ALPK1: variants seen among roughly 807,000 people sequenced by gnomAD.
ALPK1 encodes the protein alpha kinase 1.
ALPK1 carries 110 observed loss-of-function variants against 120.6 expected under a neutral mutation model. The ratio of observed to expected loss-of-function variants is 0.91; its 90% CI spans 0.78 to 1.07. ALPK1 has a LOEUF of 1.07. ALPK1 is among the 50% of genes least tolerant of loss of function. ALPK1 has a pLI of 0.00. For missense variants in ALPK1, 1,498 were observed against 1,483.9 expected, an observed-to-expected ratio of 1.01 and a Z score of -0.16; for synonymous variants, 582 against 560.3, an observed-to-expected ratio of 1.04 and a Z score of -0.55.
chr4:112,370,016 A>G (rs1324442432), intron 2 of ALPK1, among the ~76,000 whole-genome samples: 4 of 152,236 alleles, frequency 2.6e-5, no homozygotes, highest in African/African-American at 7.2e-5. Flanking sequence ...AGTGGCAACC[A>G]GTAGACAATG....
chr4:112,426,740 G>C (rs772571523), intron 8 of ALPK1, among the ~76,000 whole-genome samples, 197 bp downstream of exon 8: 1 of 152,086 alleles, frequency 6.6e-6, no homozygotes, highest in Non-Finnish European at 1.5e-5. Flanking sequence ...TAGACTCTTG[G>C]TGCATAGATG....
intron 1 of ALPK1, among the ~76,000 whole-genome samples, chr4:112,302,770 C>T (rs1727847451): frequency 6.6e-6 from 1 of 151,460 alleles, no homozygotes; most frequent in African/African-American, 2.4e-5. Flanking sequence ...CTTTTTGCAG[C>T]TACATCCCTC....
chr4:112,355,536 G>T (rs1408507483), intron 2 of ALPK1, among the ~76,000 whole-genome samples: 1 of 152,218 alleles, frequency 6.6e-6, no homozygotes, highest in African/African-American at 2.4e-5. Flanking sequence ...CTGGGGAGGA[G>T]GCCCATGCAG....
Position 112,441,562 on chromosome 4 carries a change from T to C in ALPK1, c.*352T>C. The C allele has an allele frequency of 4.2e-6, 1 of 236,706 alleles. No homozygotes were observed. Among genetic ancestry groups the C allele is most frequent in the Non-Finnish European group, 8.2e-6 (1 of 122,666 alleles). The allele number at this position is 236,706 out of a possible 1,614,324, so 14.7% of individuals were successfully genotyped here. A position where few individuals can be genotyped will look rare whatever the true frequency, so the allele number is the denominator to read the frequency against. ...ACTACTGGGGCTTTTCCTATTGATT[T>C]GGGAGTTCTTTACATATTAAAAAAA... is the stretch of plus-strand genomic sequence containing the variant. On this transcript the variant is annotated 3_prime_UTR_variant, in exon 16 of 16. Transcript: ENST00000650871.
In ALPK1 at chr4:112,357,011, C is replaced by G. The variant is rs76173085; in HGVS notation, c.-100-20667C>G. The G allele has an allele frequency of 8.8e-4, 693 of 784,848 alleles. 2 individuals are homozygous for G. The African/African-American group carries it at 0.01, about 12-fold the overall frequency. 48.6% of individuals were successfully genotyped at this position (784,848 alleles called of 1,614,324 possible). A position where few individuals can be genotyped will look rare whatever the true frequency, so the allele number is the denominator to read the frequency against. ...GATCAAGGTGGCACAGCAGGGCCAG[C>G]CCCAACCGGAGTTCAGCGCGGACCC... is the stretch of plus-strand genomic sequence containing the variant. On this transcript the variant is annotated intron_variant, in intron 2 of 15. Transcript: ENST00000650871.
chr4:112,434,298 C>T (rs753618514), intron 11 of ALPK1, among the ~76,000 whole-genome samples: 1 of 152,198 alleles, frequency 6.6e-6, no homozygotes, highest in Non-Finnish European at 1.5e-5. Context: ...TTCCATCCGG[C>T]TTCTCTAACT....
intron 2 of ALPK1, among the ~76,000 whole-genome samples, chr4:112,360,649 C>T (rs1268831601): frequency 6.6e-6 from 1 of 152,036 alleles, no homozygotes; most frequent in Non-Finnish European, 1.5e-5. Context: ...ACGCTCAAGC[C>T]CTTGATAGTG....
intron 2 of ALPK1, among the ~76,000 whole-genome samples, chr4:112,335,999 A>AAACC (rs71595590): frequency 0.19 from 29,157 of 151,844 alleles, 3,186 homozygotes; most frequent in Middle Eastern, 0.3. Flanking sequence ...AATGAACGTA[A>AAACC]AACCAACCAA....
intron 1 of ALPK1, among the ~76,000 whole-genome samples, chr4:112,314,876 C>CTTTTTTTTTT (rs763492984): frequency 3.3e-4 from 33 of 99,646 alleles, no homozygotes; most frequent in Admixed American, 6.1e-4. Context: ...AATCCATTGC[C>CTTTTTTTTTT]TTTTTTTTTT....
chr4:112,411,639 C>T, intron 4 of ALPK1, 188 bp from the exon 5 acceptor site: 3 of 607,472 alleles, frequency 4.9e-6, no homozygotes, highest in East Asian at 2.8e-5. Flanking sequence ...GAAGGAAATA[C>T]TATTTTATTG....
chr4:112,379,715 T>G (rs967711601), intron 3 of ALPK1, among the ~76,000 whole-genome samples: 6 of 152,204 alleles, frequency 3.9e-5, no homozygotes, highest in Non-Finnish European at 5.9e-5. Context: ...TTCTCCTTCC[T>G]CCTCTCGACG....
At chr4:112,327,960 T>C (rs1729189612) in intron 2 of ALPK1, among the ~76,000 whole-genome samples, 5 of 152,202 alleles carry the variant, frequency 3.3e-5, no homozygotes, top group Admixed American at 3.3e-4. Context: ...CAAGAATTAG[T>C]AGTATCAACT....
At chr4:112,407,860 C>T (rs28504675) in intron 4 of ALPK1, among the ~76,000 whole-genome samples, 1 of 152,028 alleles carries the variant, frequency 6.6e-6, no homozygotes, top group Non-Finnish European at 1.5e-5. Flanking sequence ...TGTAATCCAG[C>T]ACTTTGGGAG....
chr4:112,389,252 C>T (rs550105001), intron 4 of ALPK1, among the ~76,000 whole-genome samples: 1 of 152,188 alleles, frequency 6.6e-6, no homozygotes, highest in African/African-American at 2.4e-5. Flanking sequence ...ACCATGTTGG[C>T]CAGGATGAGC....
At chr4:112,378,373 T>C (rs1198364090) in intron 3 of ALPK1, among the ~76,000 whole-genome samples, 1 of 152,232 alleles carries the variant, frequency 6.6e-6, no homozygotes, top group Non-Finnish European at 1.5e-5. Context: ...TGCTATATTC[T>C]CACACCATTT....
chr4:112,378,006 A>T (rs569758190), intron 3 of ALPK1, 108 bp downstream of exon 3: 1 of 1,150,008 alleles, frequency 8.7e-7, no homozygotes. Flanking sequence ...CTCTTGGCAG[A>T]TGACCACCGA....
intron 5 of ALPK1, among the ~76,000 whole-genome samples, chr4:112,421,606 TC>T (rs1363408326): frequency 6.6e-6 from 1 of 151,822 alleles, no homozygotes; most frequent in Non-Finnish European, 1.5e-5. Context: ...AATACAGTAG[TC>T]CCCCCTTATT....
chr4:112,304,669 G>T (rs1727947888), intron 1 of ALPK1, among the ~76,000 whole-genome samples: 1 of 152,052 alleles, frequency 6.6e-6, no homozygotes. Context: ...CAAATAAGTA[G>T]ATTGCAAAAA....
chr4:112,386,403 G>A (rs770017781), intron 4 of ALPK1, among the ~76,000 whole-genome samples: 1 of 152,236 alleles, frequency 6.6e-6, no homozygotes, highest in Non-Finnish European at 1.5e-5. Context: ...TAATGTGGCT[G>A]TAATAGCTGG....
Sources: gnomAD v4.1 joint callset for allele counts (sites outside exome capture counted in the v4.1 genomes callset) on GRCh38, gnomAD v4.1.1 for gene constraint, MANE v1.5 for transcripts, NCBI Gene and HGNC (gene_info 2026-07-23, HGNC 2026-07-21) for gene names.